Variants in DNAI2 observed in about 807,000 individuals in gnomAD.
DNAI2 encodes dynein axonemal intermediate chain 2.
Under a neutral mutation model 74.7 loss-of-function variants are expected in DNAI2, and 63 were observed. The ratio of observed to expected loss-of-function variants is 0.84; its 90% CI spans 0.69 to 1.04. The LOEUF is 1.04. DNAI2 is among the 50% of genes least tolerant of loss of function. The pLI is 0.00. For missense variants in DNAI2, 688 were observed against 803.2 expected, an observed-to-expected ratio of 0.86 and a Z score of 1.73; for synonymous variants, 289 against 314.9, an observed-to-expected ratio of 0.92 and a Z score of 0.87.
chr17:74,291,719 G>A (rs895693590), intron 6 of DNAI2, among the ~76,000 whole-genome samples: 11 of 152,300 alleles, frequency 7.2e-5, no homozygotes, highest in South Asian at 2.1e-4. Flanking sequence ...ACTAGGGGCC[G>A]CCATAAAGGG....
At chr17:74,295,982 G>A (rs1004385085) in intron 6 of DNAI2, among the ~76,000 whole-genome samples, 1 of 152,126 alleles carries the variant, frequency 6.6e-6, no homozygotes, top group Admixed American at 6.6e-5. Context: ...CTCTGCCTTA[G>A]TGTCTGTGCA....
rs116458549 is a variant in DNAI2 at position 74,307,305 on chromosome 17, G to C, written c.1211+1863G>C. The C allele has an allele frequency of 3.0e-3, 1,348 of 456,234 alleles. 18 individuals are homozygous for C. The highest frequency in any genetic ancestry group is 0.024 in the African/African-American group (1,223 of 50,206). 28.3% of individuals were successfully genotyped at this position (456,234 alleles called of 1,614,324 possible). ...GTTCCTAGAGGGACTTGGTGGACCT[G>C]TGTCGTAGAACCTGGGTCTCCCTTG... On this transcript the variant is annotated intron_variant, in intron 9 of 13. Transcript: ENST00000311014.
Position 74,314,805 on chromosome 17 carries a change from C to G in DNAI2, c.*272C>G, listed in dbSNP as rs886053380. 13 of 168,872 alleles carry G rather than the reference C, an allele frequency of 7.7e-5. No individual in the cohort carries two copies. Among genetic ancestry groups the G allele is most frequent in the South Asian group, 4.2e-4 (3 of 7,148 alleles). The allele number at this position is 168,872 out of a possible 1,614,324, so 10.5% of individuals were successfully genotyped here. A position where few individuals can be genotyped will look rare whatever the true frequency, so the allele number is the denominator to read the frequency against. On this transcript the variant is annotated 3_prime_UTR_variant, in exon 14 of 14. Coordinates refer to ENST00000311014, the MANE Select transcript of DNAI2 (RefSeq NM_023036.6). ...AGTATGTGGGAGGGGACGGGCGGGA[C>G]GAGCTTGGCTGTTCTGCTGCACCTG...
intron 8 of DNAI2, among the ~76,000 whole-genome samples, chr17:74,303,613 G>C (rs938200449): frequency 1.3e-5 from 1 of 75,842 alleles, no homozygotes; most frequent in Non-Finnish European, 2.9e-5. Flanking sequence ...TTTTTTTTTT[G>C]AGACAGAGTC....
At chr17:74,301,249 A>C in intron 8 of DNAI2, 81 bp downstream of exon 8, 31 of 1,591,658 alleles carry the variant, frequency 1.9e-5, no homozygotes, top group East Asian at 4.5e-5. Context: ...CTAGGATATC[A>C]GGTGCTCGTG....
chr17:74,286,411 C>T (rs1211411965), intron 3 of DNAI2, among the ~76,000 whole-genome samples: 10 of 151,966 alleles, frequency 6.6e-5, no homozygotes, highest in South Asian at 6.2e-4. Context: ...TAATGGCCTT[C>T]TGCCTCCATA....
At position 74,288,769 on chromosome 17, in the gene DNAI2, C is replaced by A. The variant is rs1441700722; in HGVS notation, c.468-825C>A. Among the ~76,000 whole-genome samples, 6 of 152,110 alleles carry A rather than the reference C, an allele frequency of 3.9e-5. No individual in the cohort carries two copies. The East Asian group carries it at 9.6e-4, about 24-fold the overall frequency. ...AGAAAGTGGGTGGAAGTGAGAAAGA[C>A]CATGCTCTGTGGCCTCGGTTTTGAC... On this transcript the variant is annotated intron_variant, in intron 4 of 13. Transcript: ENST00000311014.
At chr17:74,288,353 T>C (rs2051875199) in intron 4 of DNAI2, among the ~76,000 whole-genome samples, 1 of 152,232 alleles carries the variant, frequency 6.6e-6, no homozygotes, top group Non-Finnish European at 1.5e-5. Flanking sequence ...TCAATGCATT[T>C]TCAGCTCCTG....
chr17:74,278,851 C>T (rs1002413244), intron 1 of DNAI2, among the ~76,000 whole-genome samples: 1 of 152,154 alleles, frequency 6.6e-6, no homozygotes, highest in African/African-American at 2.4e-5. Context: ...CAACAGTCAG[C>T]AATAACTTAA....
chr17:74,278,810 A>G (rs1056475485), intron 1 of DNAI2, among the ~76,000 whole-genome samples: 1 of 152,128 alleles, frequency 6.6e-6, no homozygotes, highest in African/African-American at 2.4e-5. Flanking sequence ...AGAATGAATA[A>G]GACCTACTAT....
At chr17:74,283,122 T>C (rs1004499511) in intron 2 of DNAI2, among the ~76,000 whole-genome samples, 3 of 152,196 alleles carry the variant, frequency 2.0e-5, no homozygotes, top group Non-Finnish European at 4.4e-5. Flanking sequence ...TTGTGAGAGC[T>C]GGCTTAAAAA....
intron 1 of DNAI2, among the ~76,000 whole-genome samples, chr17:74,281,141 G>T (rs2051367453): frequency 6.6e-6 from 1 of 150,846 alleles, no homozygotes; most frequent in African/African-American, 2.4e-5. Context: ...TGTATCATTT[G>T]GTGGGTAAGA....
At chr17:74,307,970 T>C (rs896388523) in intron 9 of DNAI2, among the ~76,000 whole-genome samples, 8 of 151,964 alleles carry the variant, frequency 5.3e-5, no homozygotes, top group African/African-American at 1.9e-4. Flanking sequence ...GATAATTTTT[T>C]TATTTTTAGT....
intron 6 of DNAI2, among the ~76,000 whole-genome samples, chr17:74,294,298 C>CTTTTTTTTTTTTT (rs113049803): frequency 7.9e-5 from 11 of 139,634 alleles, no homozygotes; most frequent in South Asian, 2.2e-4. Context: ...CTTATCATTT[C>CTTTTTTTTTTTTT]TTTTTTTTTT....
intron 6 of DNAI2, among the ~76,000 whole-genome samples, chr17:74,291,912 G>A (rs533152825): frequency 2.8e-4 from 42 of 151,166 alleles, no homozygotes; most frequent in African/African-American, 9.3e-4. Flanking sequence ...CGCCCAGGCC[G>A]GAGTGCAGTG....
intron 12 of DNAI2, among the ~76,000 whole-genome samples, chr17:74,313,075 C>T (rs2053628096): frequency 6.6e-6 from 1 of 152,212 alleles, no homozygotes; most frequent in South Asian, 2.1e-4. Context: ...AATTTTAAAA[C>T]AGTGACAATA....
chr17:74,309,584 G>A (rs779326889), intron 10 of DNAI2, 196 bp downstream of exon 10: 1 of 782,990 alleles, frequency 1.3e-6, no homozygotes, highest in Non-Finnish European at 2.2e-6. Context: ...AGGGGCCTGG[G>A]GGATTTGGCA....
At chr17:74,305,006 CA>C (rs2053095614) in intron 8 of DNAI2, among the ~76,000 whole-genome samples, 1 of 152,196 alleles carries the variant, frequency 6.6e-6, no homozygotes, top group Non-Finnish European at 1.5e-5. Flanking sequence ...TCATTCAGCA[CA>C]GGCTCCTTGA....
intron 8 of DNAI2, among the ~76,000 whole-genome samples, chr17:74,304,698 A>G (rs1598328791): frequency 6.6e-6 from 1 of 152,292 alleles, no homozygotes; most frequent in East Asian, 1.9e-4. Context: ...GGGACGAGTT[A>G]CATCACCGAC....
Sources: allele counts gnomAD v4.1 joint callset (sites outside exome capture counted in the v4.1 genomes callset), GRCh38; gene constraint gnomAD v4.1.1; transcripts MANE v1.5; gene names NCBI Gene and HGNC (gene_info 2026-07-23, HGNC 2026-07-21).